Variants in AGBL1 observed in about 807,000 individuals in gnomAD.
The protein encoded by AGBL1 is cytosolic carboxypeptidase 4.
AGBL1 carries 130 observed loss-of-function variants against 118.9 expected under a neutral mutation model. The observed-to-expected ratio is 1.09, with a 90% CI of 0.95 to 1.26. AGBL1 has a LOEUF of 1.26. Ranked by LOEUF, AGBL1 falls within the 50% of genes most tolerant of loss-of-function variation. The pLI, the probability that AGBL1 is intolerant of heterozygous loss-of-function variation, is 0.00. For synonymous variants in AGBL1, 555 were observed against 478.9 expected (o/e 1.16, Z -2.08); for missense variants, 1,584 against 1,298.1 (o/e 1.22, Z -3.38).
chr15:86,698,309 A>G (rs759642060), intron 22 of AGBL1, among the ~76,000 whole-genome samples: 125 of 152,022 alleles, frequency 8.2e-4, no homozygotes, highest in Non-Finnish European at 1.3e-3. Context: ...CACATTCCAC[A>G]TGTTAGTTTA....
At chr15:86,267,132 G>T in intron 13 of AGBL1, 56 bp downstream of exon 13, 1 of 1,289,704 alleles carries the variant, frequency 7.8e-7, no homozygotes. Context: ...AGCAAGCTGT[G>T]ACTATCTCTT....
intron 16 of AGBL1, among the ~76,000 whole-genome samples, chr15:86,283,484 G>T (rs753606875): frequency 6.6e-6 from 1 of 150,904 alleles, no homozygotes; most frequent in Non-Finnish European, 1.5e-5. Flanking sequence ...GTGGGATGGG[G>T]AGGTGGGGGG....
At chr15:86,395,380 A>T (rs2081347822) in intron 17 of AGBL1, among the ~76,000 whole-genome samples, 1 of 152,016 alleles carries the variant, frequency 6.6e-6, no homozygotes, top group Admixed American at 6.6e-5. Context: ...TTATTTTGCA[A>T]GCTCCAATGT....
chr15:87,017,871 TA>T (rs1426340146), intron 24 of AGBL1, among the ~76,000 whole-genome samples: 3 of 152,076 alleles, frequency 2.0e-5, no homozygotes, highest in Non-Finnish European at 4.4e-5. Flanking sequence ...GAGCATGTTG[TA>T]ACCCAATGCA....
intron 24 of AGBL1, among the ~76,000 whole-genome samples, chr15:86,994,381 C>T (rs1487922693): frequency 6.6e-6 from 1 of 151,990 alleles, no homozygotes; most frequent in Non-Finnish European, 1.5e-5. Context: ...CAGCCGGGCA[C>T]AGACTGTCCA....
At chr15:86,299,567 C>A (rs2079713580) in intron 17 of AGBL1, among the ~76,000 whole-genome samples, 1 of 152,030 alleles carries the variant, frequency 6.6e-6, no homozygotes, top group Non-Finnish European at 1.5e-5. Context: ...AGAAGATATC[C>A]CATAAGCTGT....
In AGBL1 at chr15:86,551,548, A is replaced by C. The variant is rs1056829988; in HGVS notation, c.2818-2813A>C. On this transcript the variant is annotated intron_variant, in intron 20 of 22. Transcript: ENST00000614907. ...GATGAGGTTTATTTTAAGTGGAAAG[A>C]AGAATTAGTAATTAAAACTCTTCCC... Among the ~76,000 whole-genome samples, 34 of 152,314 alleles carry C rather than the reference A, an allele frequency of 2.2e-4. 1 individual carries two copies. Among genetic ancestry groups the C allele is most frequent in the East Asian group, 1.5e-3 (8 of 5,184 alleles).
chr15:86,649,182 A>G (rs913025568), intron 21 of AGBL1, among the ~76,000 whole-genome samples: 3 of 152,168 alleles, frequency 2.0e-5, no homozygotes, highest in African/African-American at 7.2e-5. Context: ...AAAGAGTGTC[A>G]TGGGTAGTTT....
At chr15:86,737,671 G>A (rs1447978082) in intron 22 of AGBL1, among the ~76,000 whole-genome samples, 3 of 152,090 alleles carry the variant, frequency 2.0e-5, no homozygotes, top group African/African-American at 7.2e-5. Flanking sequence ...GCATTATTAG[G>A]TGGGGTTTCA....
In AGBL1 at chr15:86,267,053, T is replaced by G; in HGVS notation, c.1815T>G (p.Leu605=). Residue 605 remains leucine, a synonymous_variant, in exon 13 of 23, where the codon CTT becomes CTG. Coordinates refer to ENST00000614907, the MANE Select transcript of AGBL1 (RefSeq NM_001386094.1). ...TCTCCAAATTTGAGTCAGGAAATCT[T>G]CGCAAAGCCATCCAAGTGCGTGAGT... ...RFFSKFESGN[L]RKAIQVREFE... is the part of the protein sequence containing the mutation. 6.4e-7 allele frequency: 1 copy of G among 1,566,462 alleles called. No homozygotes were observed. Among genetic ancestry groups the G allele is most frequent in the Non-Finnish European group, 8.7e-7 (1 of 1,154,298 alleles).
intron 22 of AGBL1, among the ~76,000 whole-genome samples, chr15:86,769,925 C>A (rs1465175826): frequency 1.3e-5 from 2 of 151,964 alleles, no homozygotes; most frequent in East Asian, 3.9e-4. Context: ...TAGTGCATAT[C>A]CCAGAACAAA....
At chr15:86,639,747 G>A (rs1333240889) in intron 21 of AGBL1, among the ~76,000 whole-genome samples, 1 of 152,202 alleles carries the variant, frequency 6.6e-6, no homozygotes, top group Non-Finnish European at 1.5e-5. Flanking sequence ...GGGAGTGGAG[G>A]AGAGCAATGA....
At chr15:86,726,699 C>G (rs918808902) in intron 22 of AGBL1, among the ~76,000 whole-genome samples, 2 of 152,082 alleles carry the variant, frequency 1.3e-5, no homozygotes, top group Non-Finnish European at 2.9e-5. Context: ...GTAGCTGGGA[C>G]TACAGGCAGG....
intron 24 of AGBL1, among the ~76,000 whole-genome samples, chr15:86,996,618 A>T (rs1157161962): frequency 6.6e-6 from 1 of 152,190 alleles, no homozygotes; most frequent in Non-Finnish European, 1.5e-5. Flanking sequence ...TATACCTAGC[A>T]TATACCTAAG....
At chr15:86,652,034 T>C (rs765847863) in intron 21 of AGBL1, among the ~76,000 whole-genome samples, 10 of 152,194 alleles carry the variant, frequency 6.6e-5, no homozygotes, top group Non-Finnish European at 8.8e-5. Context: ...TTCCATTGTC[T>C]GAGATTGTTT....
intron 21 of AGBL1, among the ~76,000 whole-genome samples, chr15:86,670,011 A>G (rs920779480): frequency 6.6e-6 from 1 of 152,126 alleles, no homozygotes; most frequent in Non-Finnish European, 1.5e-5. Flanking sequence ...TAGCTTCCTT[A>G]TATTACATCA....
intron 22 of AGBL1, among the ~76,000 whole-genome samples, chr15:86,827,334 T>TACAC (rs1206759330): frequency 9.8e-5 from 1 of 10,236 alleles, no homozygotes; most frequent in Non-Finnish European, 1.3e-4. Flanking sequence ...CATATATATA[T>TACAC]ATATGTGTAT....
chr15:86,110,021 C>G (rs910354966), intron 1 of AGBL1: 7 of 152,126 alleles, frequency 4.6e-5, no homozygotes, highest in African/African-American at 1.2e-4. Context: ...GTTAAAATAC[C>G]TTCCTCTTGC....
At chr15:86,601,410 T>C (rs940114094) in intron 21 of AGBL1, among the ~76,000 whole-genome samples, 5 of 152,188 alleles carry the variant, frequency 3.3e-5, no homozygotes, top group Non-Finnish European at 7.3e-5. Context: ...GTTGGAAATA[T>C]TCTGAATTAG....
Sources: allele counts gnomAD v4.1 joint callset (sites outside exome capture counted in the v4.1 genomes callset), GRCh38; gene constraint gnomAD v4.1.1; transcripts MANE v1.5; gene names NCBI Gene and HGNC (gene_info 2026-07-23, HGNC 2026-07-21).